Variants in DENND4A observed in about 807,000 individuals in gnomAD.
DENND4A encodes the protein C-myc promoter-binding protein.
In DENND4A, 70 loss-of-function variants were observed where a neutral mutation model predicts 199.3. The observed-to-expected ratio is 0.35, with a 90% CI of 0.29 to 0.43. The LOEUF is 0.43. DENND4A is among the 20% of genes least tolerant of loss of function. The probability of loss-of-function intolerance (pLI) is 1.00; values close to 1 mark genes in which losing one functional copy is unlikely to be tolerated. For synonymous variants in DENND4A, 686 were observed against 766.9 expected (o/e 0.89, Z 1.74); for missense variants, 1,723 against 2,255.8 (o/e 0.76, Z 4.78).
At chr15:65,669,733 T>G in intron 27 of DENND4A, 46 bp downstream of exon 27, 1 of 1,489,398 alleles carries the variant, frequency 6.7e-7, no homozygotes, top group Non-Finnish European at 9.1e-7. Context: ...CTAAAATATG[T>G]GTAAATATAT....
chr15:65,701,916 C>T lies in DENND4A; in HGVS notation c.2431-26G>A, dbSNP rs369645879. 540 of 1,612,136 alleles carry T rather than the reference C, an allele frequency of 3.3e-4. 4 individuals are homozygous for T. The East Asian group carries it at 4.0e-3, about 12-fold the overall frequency. On this transcript the variant is annotated intron_variant, in intron 17 of 32. Transcript: ENST00000443035. ...CTGAAATACAAGTTCAAAATTGTAC[C>T]GAAACACAGATGTCACCATGTACAT...
chr15:65,761,552 C>T (rs2140756900), intron 1 of DENND4A, 114 bp from the exon 2 acceptor site: 2 of 152,114 alleles, frequency 1.3e-5, no homozygotes, highest in East Asian at 3.9e-4. Context: ...AAACTGATTG[C>T]ATTTATTGTT....
intron 2 of DENND4A, 49 bp downstream of exon 2, chr15:65,761,311 G>A (rs1186934795): frequency 2.6e-5 from 4 of 152,128 alleles, no homozygotes; most frequent in Non-Finnish European, 5.9e-5. Flanking sequence ...GTTTAACACA[G>A]GAAATAGCTA....
intron 7 of DENND4A, among the ~76,000 whole-genome samples, chr15:65,736,125 T>C (rs1482266520): frequency 6.6e-6 from 1 of 152,212 alleles, no homozygotes; most frequent in Admixed American, 6.5e-5. Flanking sequence ...ATATTAATAA[T>C]AAAATGTGTC....
intron 23 of DENND4A, among the ~76,000 whole-genome samples, chr15:65,677,833 T>A (rs901198095): frequency 6.6e-6 from 1 of 152,200 alleles, no homozygotes; most frequent in Non-Finnish European, 1.5e-5. Flanking sequence ...CACTGGTCCA[T>A]TTATCTGTTT....
intron 14 of DENND4A, among the ~76,000 whole-genome samples, chr15:65,714,306 G>A (rs980550070): frequency 1.6e-4 from 24 of 151,914 alleles, no homozygotes; most frequent in South Asian, 2.1e-4. Flanking sequence ...CCAGCTACTC[G>A]GGAGGCTGAG....
intron 23 of DENND4A, among the ~76,000 whole-genome samples, chr15:65,678,071 G>C (rs539109682): frequency 2.6e-5 from 4 of 152,004 alleles, no homozygotes; most frequent in South Asian, 4.2e-4. Flanking sequence ...GGGATTACAG[G>C]CGCCCGCCAC....
chr15:65,762,562 G>A (rs1013781332), intron 1 of DENND4A, among the ~76,000 whole-genome samples: 4 of 152,166 alleles, frequency 2.6e-5, no homozygotes, highest in Middle Eastern at 3.2e-3. Flanking sequence ...CCAGGAAGCT[G>A]AGGCTGCAGT....
chr15:65,778,041 A>C (rs2077329380), intron 1 of DENND4A, among the ~76,000 whole-genome samples: 1 of 152,170 alleles, frequency 6.6e-6, no homozygotes, highest in Admixed American at 6.5e-5. Flanking sequence ...TCAAAAAAAA[A>C]AGGCTGTTAA....
At chr15:65,719,828 G>A (rs2075553434) in intron 12 of DENND4A, among the ~76,000 whole-genome samples, 2 of 152,066 alleles carry the variant, frequency 1.3e-5, no homozygotes, top group South Asian at 4.2e-4. Flanking sequence ...CTGGGAGCTT[G>A]TGGCTGCCAT....
intron 14 of DENND4A, among the ~76,000 whole-genome samples, chr15:65,714,182 C>CG (rs1197984645): frequency 5.3e-5 from 8 of 152,042 alleles, no homozygotes; most frequent in African/African-American, 1.9e-4. Flanking sequence ...GAGGCCGAGG[C>CG]GGGCAGATCA....
At chr15:65,789,877 C>T (rs557154385) in intron 1 of DENND4A, among the ~76,000 whole-genome samples, 3 of 152,172 alleles carry the variant, frequency 2.0e-5, no homozygotes, top group Admixed American at 2.0e-4. Flanking sequence ...AATAACTGGC[C>T]GGGTGCGGTA....
In DENND4A at chr15:65,756,309, C is replaced by T; in HGVS notation, c.142G>A (p.Val48Ile). Residue 48 changes from valine to isoleucine, a missense_variant, in exon 3 of 33, where the codon GTT becomes ATT. This residue lies in a region of DENND4A where 725 missense variants were observed against 952.9 expected (regional missense o/e 0.76). Coordinates refer to ENST00000443035, the MANE Select transcript of DENND4A (RefSeq NM_001320835.1). ...VAKPKEPITD[V>I]SVIIKSLGEE... The stretch of plus-strand genomic sequence containing the variant: ...CCAAGAGATTTGATAATAACTGAAA[C>T]ATCTGTAATAGGTTCTTTTGGTTTA... The T allele has an allele frequency of 6.2e-7, 1 of 1,613,704 alleles. No individual in the cohort carries two copies. Among genetic ancestry groups the T allele is most frequent in the Non-Finnish European group, 8.5e-7 (1 of 1,179,754 alleles).
chr15:65,716,210 C>A (rs1281077461), intron 13 of DENND4A, among the ~76,000 whole-genome samples: 1 of 151,700 alleles, frequency 6.6e-6, no homozygotes, highest in African/African-American at 2.4e-5. Context: ...TTACCTTTGT[C>A]TGGCTAATTT....
rs929777503 is a variant in DENND4A at position 65,676,422 on chromosome 15, A to C, written c.4369+23T>G. On this transcript the variant is annotated intron_variant, in intron 24 of 32. Transcript: ENST00000443035. ...AATGAAACTACAAATCAAATGCAGTATGACAGAACTGTTTGGACAAACCTT... is the reference window on the plus strand; with the variant it reads ...AATGAAACTACAAATCAAATGCAGTCTGACAGAACTGTTTGGACAAACCTT... 2.6e-6 allele frequency: 4 copies of C among 1,528,822 alleles called. No homozygotes were observed. The African/African-American group carries it at 5.5e-5, about 21-fold the overall frequency. 94.7% of individuals were successfully genotyped at this position (1,528,822 alleles called of 1,614,324 possible).
At chr15:65,744,529 A>T (rs1454817235) in intron 4 of DENND4A, among the ~76,000 whole-genome samples, 4 of 152,108 alleles carry the variant, frequency 2.6e-5, no homozygotes, top group Admixed American at 1.3e-4. Context: ...CATTTTACAT[A>T]TAATAACAAG....
In DENND4A at chr15:65,719,561, GAC is replaced by G. The variant is rs563498872; in HGVS notation, c.1589-1567_1589-1566del. On this transcript the variant is annotated intron_variant, in intron 12 of 32. Coordinates refer to ENST00000443035, the MANE Select transcript of DENND4A (RefSeq NM_001320835.1). ...TCTGATATAAGGACGCAATGAGAGA[GAC>G]ACAGCATCACTTCTGTGATATTCCT... Among the ~76,000 whole-genome samples the G allele has an allele frequency of 3.6e-3, 543 of 152,140 alleles. 3 individuals carry two copies. Among genetic ancestry groups the G allele is most frequent in the African/African-American group, 0.013 (524 of 41,516 alleles).
Position 65,691,366 on chromosome 15 carries a change from A to G in DENND4A, c.3228T>C (p.Arg1076=), listed in dbSNP as rs2076962993. 1.9e-6 allele frequency: 3 copies of G among 1,613,446 alleles called. No homozygotes were observed. In the African/African-American group the frequency reaches 4.0e-5, roughly 22 times the overall value. ...QQQVVWGNRN[R]NLSGGVLMGF... ...CCATCAGTACCCCTCCACTAAGATT[A>G]CGGTTTCTATTTCCCCAGACCACTT... Residue 1076 remains arginine (R), a synonymous_variant, in exon 23 of 33, where the codon CGT becomes CGC. Coordinates refer to ENST00000443035, the MANE Select transcript of DENND4A (RefSeq NM_001320835.1).
At chr15:65,728,142 G>A (rs998748074) in intron 11 of DENND4A, among the ~76,000 whole-genome samples, 2 of 151,920 alleles carry the variant, frequency 1.3e-5, no homozygotes, top group African/African-American at 4.8e-5. Flanking sequence ...TGGAGTAGCT[G>A]GGATTACCTG....
Sources: gnomAD v4.1 joint callset for allele counts (sites outside exome capture counted in the v4.1 genomes callset) on GRCh38, gnomAD v4.1.1 for gene constraint, gnomAD v4.1.1 regional missense constraint, MANE v1.5 for transcripts, NCBI Gene and HGNC (gene_info 2026-07-23, HGNC 2026-07-21) for gene names.